CEP72: variants seen among roughly 807,000 people sequenced by gnomAD.
The protein encoded by CEP72 is centrosomal protein 72.
A neutral mutation model predicts 65.7 loss-of-function variants in CEP72; 78 were observed. That is an observed-to-expected ratio of 1.19 (90% CI 0.99 to 1.43). The LOEUF (loss-of-function observed/expected upper bound fraction) is 1.43. CEP72 is among the 40% of genes most tolerant of loss of function. The pLI is 0.00. For synonymous variants in CEP72, 358 were observed against 351.7 expected (o/e 1.02, Z -0.20); for missense variants, 914 against 832.9 (o/e 1.10, Z -1.20).
chr5:657,798 A>G (rs1043415110), downstream of CEP72, among the ~76,000 whole-genome samples: 2 of 152,220 alleles, frequency 1.3e-5, no homozygotes, highest in Non-Finnish European at 2.9e-5. Flanking sequence ...GGGCAGCTGC[A>G]TCACAGGATT....
At chr5:632,266 A>G (rs74218846) in intron 4 of CEP72, among the ~76,000 whole-genome samples, 12 of 17,316 alleles carry the variant, frequency 6.9e-4, no homozygotes, top group Non-Finnish European at 1.0e-3. Flanking sequence ...GCCGGGATTT[A>G]GACCAGTCCT....
At chr5:642,007 C>G in intron 9 of CEP72, 3 of 972,864 alleles carry the variant, frequency 3.1e-6, no homozygotes, top group Non-Finnish European at 3.6e-6. Flanking sequence ...CACGTGGTCC[C>G]CCGTCTAGAA....
intron 7 of CEP72, among the ~76,000 whole-genome samples, chr5:638,539 A>G (rs1737776268): frequency 6.9e-6 from 1 of 145,484 alleles, no homozygotes; most frequent in African/African-American, 2.6e-5. Context: ...CCGGAGCTAG[A>G]GGCAGCTCCG....
intron 9 of CEP72, chr5:642,092 A>T: frequency 1.0e-6 from 1 of 981,904 alleles, no homozygotes; most frequent in Non-Finnish European, 1.2e-6. Flanking sequence ...CCCCGTCCAG[A>T]AGCCTGTGCA....
At chr5:666,167 A>T (rs771622416) in intron 4 of CEP72, 1 of 1,550,618 alleles carries the variant, frequency 6.4e-7, no homozygotes. Flanking sequence ...GGGCCGGCCC[A>T]GGGCTGCCCT....
Position 623,303 on chromosome 5 carries a change from C to T in CEP72, c.404-1168C>T, listed in dbSNP as rs528680451. 2.4e-4 allele frequency among the ~76,000 whole-genome samples: 37 copies of T among 152,332 alleles called. No individual in the cohort carries two copies. The highest frequency in any genetic ancestry group is 3.4e-4 in the African/African-American group (14 of 41,580). ...AGGCGCTGCGGGAACCACGGAGGTG[C>T]GGGGCCCCGGGACGGCCTGCTGCCC... On this transcript the variant is annotated intron_variant, in intron 3 of 11. Transcript: ENST00000264935. The surrounding 1 kb of genome is among the most constrained non-coding windows in gnomAD (Gnocchi z 5.3).
chr5:621,804 C>T (rs1286670173), intron 3 of CEP72, among the ~76,000 whole-genome samples: 4 of 152,222 alleles, frequency 2.6e-5, no homozygotes, highest in Non-Finnish European at 4.4e-5. Flanking sequence ...GACATAGTCT[C>T]GCTTCATCGC....
intron 9 of CEP72, chr5:641,193 C>G (rs1256126584): frequency 1.0e-6 from 1 of 985,162 alleles, no homozygotes; most frequent in Non-Finnish European, 1.2e-6. Flanking sequence ...GGGCCACCGT[C>G]TCATCTGAGG....
At chr5:665,073 C>T (rs759524225) in intron 2 of CEP72, 56 of 1,596,634 alleles carry the variant, frequency 3.5e-5, no homozygotes, top group Middle Eastern at 1.9e-4. Context: ...CTGGGGACAC[C>T]GGCAGTGCCG....
chr5:625,051 C>T lies in CEP72; in HGVS notation c.512+472C>T, dbSNP rs1414068359. ...GGTGCCGGGATGCGCCTTCCTGTCTCCCTCCCCATGGCTGGTGCTGGTGAG... is the reference window on the plus strand; with the variant it reads ...GGTGCCGGGATGCGCCTTCCTGTCTTCCTCCCCATGGCTGGTGCTGGTGAG... On this transcript the variant is annotated intron_variant, in intron 4 of 11. Coordinates refer to ENST00000264935, the MANE Select transcript of CEP72 (RefSeq NM_018140.4). Among the ~76,000 whole-genome samples the T allele has an allele frequency of 2.0e-5, 3 of 152,320 alleles. No homozygotes were observed. In the East Asian group the frequency reaches 5.8e-4, roughly 29 times the overall value.
the CEP72 span, among the ~76,000 whole-genome samples, chr5:674,172 GC>G: frequency 1.3e-5 from 2 of 152,196 alleles, no homozygotes; most frequent in Non-Finnish European, 1.5e-5. Flanking sequence ...ACACCGCTTT[GC>G]CCCGGGTCTG....
intron 4 of CEP72, among the ~76,000 whole-genome samples, chr5:628,660 TGCAGCTTCTGGAGAACTCAGGTCACAGG>T (rs1472481166): frequency 2.0e-4 from 25 of 122,234 alleles, no homozygotes; most frequent in South Asian, 1.3e-3. Context: ...CCCTTCTTTG[TGCAGCTTCTGGAGAACTCAGGTCACAGG>T]CCCCGGGGAG....
At chr5:618,949 C>A in intron 1 of CEP72, 41 bp from the exon 2 acceptor site, 1 of 1,503,954 alleles carries the variant, frequency 6.6e-7, no homozygotes, top group South Asian at 1.2e-5. Context: ...TAATTGTTTT[C>A]AAAATAAAAG....
intron 9 of CEP72, chr5:643,105 T>C: frequency 3.1e-6 from 3 of 976,824 alleles, no homozygotes; most frequent in Non-Finnish European, 3.6e-6. Context: ...TCCCAGCTAT[T>C]TTGGGAGGTA....
downstream of CEP72, among the ~76,000 whole-genome samples, chr5:668,539 TCAGA>T (rs144471120): frequency 0.12 from 18,630 of 151,802 alleles, 1,459 homozygotes; most frequent in Non-Finnish European, 0.18. Flanking sequence ...TCCAGGGGGC[TCAGA>T]CAATCAAATA....
exon 3 of CEP72, chr5:665,309 C>T (rs1322522772): frequency 6.2e-7 from 1 of 1,607,954 alleles, no homozygotes; most frequent in Non-Finnish European, 8.5e-7. Context: ...GCAAGAGGAG[C>T]AGGAGGAAGG....
rs759306137 is a variant in CEP72, at chr5:633,853, C to T, written c.597C>T (p.Asn199=). The T allele has an allele frequency of 6.2e-7, 1 of 1,613,976 alleles. No individual in the cohort carries two copies. Among genetic ancestry groups the T allele is most frequent in the Non-Finnish European group, 8.5e-7 (1 of 1,180,042 alleles). The change falls in exon 5 of 12, where the codon AAC becomes AAT. Residue 199 remains asparagine, a synonymous_variant. Coordinates refer to ENST00000264935, the MANE Select transcript of CEP72 (RefSeq NM_018140.4). ...ATGCGGATGACGAGGCAGTCCTGAA[C>T]CTCATTGCAGAGTGCGAGTGGGACC... ...VMDADDEAVL[N]LIAECEWDLG...
intron 2 of CEP72, chr5:664,949 G>A (rs1198074152): frequency 2.4e-6 from 2 of 817,100 alleles, no homozygotes; most frequent in African/African-American, 1.7e-5. Context: ...AGGAGGAGGG[G>A]CAGGAGGGAG....
intron 9 of CEP72, 120 bp from the exon 10 acceptor site, chr5:644,179 A>T (rs1367937570): frequency 2.9e-5 from 33 of 1,129,444 alleles, no homozygotes; most frequent in Non-Finnish European, 4.3e-5. Flanking sequence ...TGCCTTTCAC[A>T]TCGTGACTCC....
Sources: gnomAD v4.1 joint callset for allele counts (sites outside exome capture counted in the v4.1 genomes callset) on GRCh38, gnomAD v4.1.1 for gene constraint, Gnocchi (gnomAD v3.1) non-coding constraint, MANE v1.5 for transcripts, NCBI Gene and HGNC (gene_info 2026-07-23, HGNC 2026-07-21) for gene names.